Variants in ATG10 observed in about 807,000 individuals in gnomAD.
ATG10 encodes autophagy related 10, also known as ubiquitin-like-conjugating enzyme ATG10.
ATG10 carries 30 observed loss-of-function variants against 32.1 expected under a neutral mutation model. That is an observed-to-expected ratio of 0.94 (90% CI 0.70 to 1.27). The LOEUF (loss-of-function observed/expected upper bound fraction) is 1.27. ATG10 is among the 50% of genes most tolerant of loss of function. The pLI is 0.00. For missense variants in ATG10, 233 were observed against 262.3 expected (o/e 0.89, Z 0.77); for synonymous variants, 87 against 91.5 (o/e 0.95, Z 0.28).
At chr5:81,977,439 A>G (rs550598798) in intron 1 of ATG10, among the ~76,000 whole-genome samples, 1 of 152,302 alleles carries the variant, frequency 6.6e-6, no homozygotes, top group African/African-American at 2.4e-5. Flanking sequence ...CTAAATGGCA[A>G]TGGCAAACTC....
chr5:82,211,761 A>C lies in ATG10; in HGVS notation c.453+33174A>C, dbSNP rs535198109. Among the ~76,000 whole-genome samples the C allele has an allele frequency of 8.6e-5, 13 of 151,568 alleles. No individual in the cohort carries two copies. In the South Asian group the frequency reaches 2.7e-3, roughly 32 times the overall value. On this transcript the variant is annotated intron_variant, in intron 5 of 7. Coordinates refer to ENST00000282185, the MANE Select transcript of ATG10 (RefSeq NM_031482.5). ...CTGCTTCTCACACTCCCATATTTCA[A>C]CTCTAGCGTCCCCCAACTTCATTGG...
intron 2 of ATG10, among the ~76,000 whole-genome samples, chr5:82,010,633 G>A (rs1762103661): frequency 6.6e-6 from 1 of 152,148 alleles, no homozygotes; most frequent in Non-Finnish European, 1.5e-5. Flanking sequence ...CTGATATGCA[G>A]GTAAGATATT....
intron 2 of ATG10, among the ~76,000 whole-genome samples, chr5:81,997,152 C>G (rs1287199546): frequency 6.6e-6 from 1 of 152,198 alleles, no homozygotes; most frequent in African/African-American, 2.4e-5. Context: ...AGTATGCACC[C>G]TGCCACACTG....
At chr5:82,168,104 C>T (rs527929116) in intron 4 of ATG10, among the ~76,000 whole-genome samples, 1 of 151,756 alleles carries the variant, frequency 6.6e-6, no homozygotes, top group Non-Finnish European at 1.5e-5. Context: ...GTTTTTGAAG[C>T]ATACCATATT....
intron 3 of ATG10, among the ~76,000 whole-genome samples, chr5:82,063,173 G>T (rs1036106785): frequency 1.3e-5 from 2 of 152,006 alleles, no homozygotes; most frequent in Admixed American, 1.3e-4. Flanking sequence ...AGAAAAATTA[G>T]TTGGGCCTGG....
chr5:82,065,976 AG>A (rs1168276928), intron 3 of ATG10, among the ~76,000 whole-genome samples: 2 of 152,118 alleles, frequency 1.3e-5, no homozygotes, highest in African/African-American at 4.8e-5. Flanking sequence ...ATAAGGTGTA[AG>A]TTTTTTTTAA....
At chr5:82,006,373 A>T (rs887109918) in intron 2 of ATG10, among the ~76,000 whole-genome samples, 4 of 152,122 alleles carry the variant, frequency 2.6e-5, no homozygotes, top group African/African-American at 9.7e-5. Flanking sequence ...AGAGAATAGT[A>T]TAATGAATTC....
At chr5:82,000,327 G>C (rs1423545767) in intron 2 of ATG10, among the ~76,000 whole-genome samples, 11 of 152,064 alleles carry the variant, frequency 7.2e-5, no homozygotes, top group Non-Finnish European at 1.6e-4. Context: ...TCAAAATAAT[G>C]AGAGCCATCT....
At chr5:82,151,423 T>C (rs763611953) in intron 3 of ATG10, among the ~76,000 whole-genome samples, 18 of 152,132 alleles carry the variant, frequency 1.2e-4, no homozygotes, top group Admixed American at 6.5e-4. Context: ...CCAGATGCCA[T>C]AGAGGTTAAT....
chr5:82,053,804 A>G (rs1763502872), intron 2 of ATG10, among the ~76,000 whole-genome samples: 1 of 152,182 alleles, frequency 6.6e-6, no homozygotes, highest in African/African-American at 2.4e-5. Flanking sequence ...TTGGACTTGG[A>G]GCAATTTTAA....
chr5:82,036,824 AATT>A (rs1762938272), intron 2 of ATG10, among the ~76,000 whole-genome samples: 1 of 151,708 alleles, frequency 6.6e-6, no homozygotes, highest in South Asian at 2.1e-4. Flanking sequence ...TAACTCTCTT[AATT>A]ATTCTATTAA....
intron 2 of ATG10, among the ~76,000 whole-genome samples, chr5:82,040,205 C>T (rs1763043506): frequency 1.3e-5 from 2 of 152,176 alleles, no homozygotes; most frequent in South Asian, 4.1e-4. Flanking sequence ...AAACCCTCTC[C>T]TCTTGATGGG....
chr5:82,195,731 G>A (rs779043465), intron 5 of ATG10, among the ~76,000 whole-genome samples: 1 of 152,136 alleles, frequency 6.6e-6, no homozygotes, highest in African/African-American at 2.4e-5. Context: ...TTTGACAGCT[G>A]AGTAACATTC....
intron 2 of ATG10, among the ~76,000 whole-genome samples, chr5:82,016,576 C>G (rs969286659): frequency 3.5e-4 from 53 of 152,010 alleles, no homozygotes; most frequent in African/African-American, 4.1e-4. Context: ...TTTTTTGGTT[C>G]CATATGAATT....
chr5:82,210,151 C>T (rs1305717812), intron 5 of ATG10, among the ~76,000 whole-genome samples: 2 of 152,024 alleles, frequency 1.3e-5, no homozygotes, highest in Non-Finnish European at 2.9e-5. Context: ...TGTTTTTTCT[C>T]TTGGGTTTTG....
In ATG10 at chr5:82,160,436, T is replaced by A. The variant is rs561477505; in HGVS notation, c.217-3963T>A. 2.0e-5 allele frequency among the ~76,000 whole-genome samples: 3 copies of A among 152,282 alleles called. No individual in the cohort carries two copies. In the South Asian group the frequency reaches 6.2e-4, roughly 32 times the overall value. The stretch of plus-strand genomic sequence containing the variant: ...CATGACCTGTTGAAGGACACCTCAT[T>A]GTTTCAATTTTTTGGCTATTCTGAA... On this transcript the variant is annotated intron_variant, in intron 3 of 7. Transcript: ENST00000282185.
intron 3 of ATG10, among the ~76,000 whole-genome samples, chr5:82,144,660 G>A (rs2149871071): frequency 6.6e-6 from 1 of 151,542 alleles, no homozygotes. Flanking sequence ...AATTTATTTT[G>A]GTCAGAGATA....
chr5:81,996,440 A>G (rs190268857), intron 2 of ATG10, among the ~76,000 whole-genome samples: 18 of 152,188 alleles, frequency 1.2e-4, no homozygotes, highest in Admixed American at 8.5e-4. Flanking sequence ...GGGTCACACT[A>G]TGTTGCCCAG....
At chr5:82,129,563 C>G (rs967149678) in intron 3 of ATG10, among the ~76,000 whole-genome samples, 10 of 152,026 alleles carry the variant, frequency 6.6e-5, no homozygotes, top group African/African-American at 2.4e-4. Context: ...TGATGCTATC[C>G]CTTTCTATTT....
Sources: gnomAD v4.1 joint callset for allele counts (sites outside exome capture counted in the v4.1 genomes callset) on GRCh38, gnomAD v4.1.1 for gene constraint, MANE v1.5 for transcripts, NCBI Gene and HGNC (gene_info 2026-07-23, HGNC 2026-07-21) for gene names.